The following DIP2C variants were observed in gnomAD, a reference collection of about 807,000 sequenced individuals.
DIP2C encodes the protein disco-interacting protein 2 homolog C.
In DIP2C, 33 loss-of-function variants were observed where a neutral mutation model predicts 192.4. The ratio of observed to expected loss-of-function variants is 0.17; its 90% CI spans 0.13 to 0.23. The LOEUF (loss-of-function observed/expected upper bound fraction) is 0.23, where lower values mean the gene tolerates loss of function less well. DIP2C is among the 10% of genes least tolerant of loss of function. The pLI is 1.00. For missense variants in DIP2C, 1,537 were observed against 2,110.1 expected (o/e 0.73, Z 5.32); for synonymous variants, 979 against 864.1 (o/e 1.13, Z -2.33).
chr10:561,082 CATTT>C (rs1174897192), intron 1 of DIP2C, among the ~76,000 whole-genome samples: 1 of 152,178 alleles, frequency 6.6e-6, no homozygotes, highest in Non-Finnish European at 1.5e-5. Flanking sequence ...GTACATCTTA[CATTT>C]ATTTGATTGA....
At chr10:574,823 C>T (rs1184656834) in intron 1 of DIP2C, among the ~76,000 whole-genome samples, 1 of 152,230 alleles carries the variant, frequency 6.6e-6, no homozygotes, top group African/African-American at 2.4e-5. Context: ...AGCATCGCAA[C>T]GCGGTTTCCT....
chr10:640,089 G>A (rs1177487577), intron 1 of DIP2C, among the ~76,000 whole-genome samples: 2 of 150,780 alleles, frequency 1.3e-5, no homozygotes. Flanking sequence ...ATCTCCACGC[G>A]GCTAAATCTC....
chr10:577,823 G>GTTT lies in DIP2C; in HGVS notation c.86-91296_86-91294dup, dbSNP rs35201000. Among the ~76,000 whole-genome samples, 111 of 143,922 alleles carry GTTT rather than the reference G, an allele frequency of 7.7e-4. 1 individual carries two copies. Among genetic ancestry groups the GTTT allele is most frequent in the Middle Eastern group, 3.7e-3 (1 of 270 alleles). 94.4% of individuals were successfully genotyped at this position (143,922 alleles called of 152,430 possible). ...TGTTTTGTTTCTTTTGTTTTTTTGT[G>GTTT]TTTTTTTTTTTTTAACCACAAAAGA... is the stretch of plus-strand genomic sequence containing the variant. On this transcript the variant is annotated intron_variant, in intron 1 of 36. Transcript: ENST00000280886.
chr10:471,034 C>T lies in DIP2C; in HGVS notation c.268+1405G>A, dbSNP rs560793814. Among the ~76,000 whole-genome samples, 24 of 152,228 alleles carry T rather than the reference C, an allele frequency of 1.6e-4. 1 individual carries two copies. Among genetic ancestry groups the T allele is most frequent in the East Asian group, 1.2e-3 (6 of 5,176 alleles). ...CACTCCTGAACTCGACAGGGGCCTC[C>T]GAGACACCCACATGAGTAAGAGAAG... On this transcript the variant is annotated intron_variant, in intron 3 of 36. Transcript: ENST00000280886.
At chr10:452,079 T>A (rs1722536078) in intron 3 of DIP2C, among the ~76,000 whole-genome samples, 1 of 151,952 alleles carries the variant, frequency 6.6e-6, no homozygotes, top group South Asian at 2.1e-4. Flanking sequence ...ACCCACAGGA[T>A]CGGGTAACAC....
At chr10:549,308 CAATT>C (rs1430132723) in intron 1 of DIP2C, among the ~76,000 whole-genome samples, 2 of 152,144 alleles carry the variant, frequency 1.3e-5, no homozygotes, top group Admixed American at 6.5e-5. Flanking sequence ...AGCTATGTCT[CAATT>C]AACACACAGC....
At chr10:674,826 A>AGAGAGAGAGAGAGAGAGACC (rs1201758510) in intron 1 of DIP2C, among the ~76,000 whole-genome samples, 20 of 144,658 alleles carry the variant, frequency 1.4e-4, no homozygotes, top group Admixed American at 2.1e-4. Flanking sequence ...AGAGAGAGAG[A>AGAGAGAGAGAGAGAGAGACC]GAGACCAACA....
intron 1 of DIP2C, among the ~76,000 whole-genome samples, chr10:522,236 C>T (rs1241971298): frequency 6.6e-6 from 1 of 152,234 alleles, no homozygotes; most frequent in Non-Finnish European, 1.5e-5. Flanking sequence ...TAAGATCCTT[C>T]CATGTCTTTT....
At chr10:650,398 A>G (rs1401360667) in intron 1 of DIP2C, 1 of 716,276 alleles carries the variant, frequency 1.4e-6, no homozygotes, top group Non-Finnish European at 2.6e-6. Flanking sequence ...CACACGCCCC[A>G]GACCAACACG....
At chr10:400,151 C>T (rs1239618627) in intron 9 of DIP2C, among the ~76,000 whole-genome samples, 2 of 150,604 alleles carry the variant, frequency 1.3e-5, no homozygotes, top group African/African-American at 4.9e-5. Context: ...CTCCAGTGAT[C>T]CTCCTGCCTT....
rs1273665178 is a variant in DIP2C, at chr10:363,769, G to A, written c.2478-458C>T. Among the ~76,000 whole-genome samples the A allele has an allele frequency of 6.6e-6, 1 of 152,200 alleles. No individual in the cohort carries two copies. Among genetic ancestry groups the A allele is most frequent in the East Asian group, 1.9e-4 (1 of 5,204 alleles). On this transcript the variant is annotated intron_variant, in intron 20 of 36. Coordinates refer to ENST00000280886, the MANE Select transcript of DIP2C (RefSeq NM_014974.3). The surrounding 1 kb of genome is among the most constrained non-coding windows in gnomAD (Gnocchi z 5.4). ...TGTCAGCACAGCACAGTCACCTCCA[G>A]TAAAAGAGATTGTAGCTGTAAAGAT... is the stretch of plus-strand genomic sequence containing the variant.
chr10:352,668 G>A (rs567514334), intron 24 of DIP2C, among the ~76,000 whole-genome samples: 1 of 152,312 alleles, frequency 6.6e-6, no homozygotes, highest in East Asian at 1.9e-4. Flanking sequence ...GACGAGGTGA[G>A]TGAACACTGG....
At chr10:464,747 A>G (rs971847185) in intron 3 of DIP2C, among the ~76,000 whole-genome samples, 29 of 152,254 alleles carry the variant, frequency 1.9e-4, no homozygotes, top group Non-Finnish European at 3.8e-4. Context: ...CATCAATGAT[A>G]GACTGGATAA....
chr10:644,786 C>T (rs1347206021), intron 1 of DIP2C, among the ~76,000 whole-genome samples: 1 of 152,272 alleles, frequency 6.6e-6, no homozygotes, highest in African/African-American at 2.4e-5. Context: ...CAACCCTGCC[C>T]CTACTTCTCA....
chr10:529,026 G>C (rs894296351), intron 1 of DIP2C, among the ~76,000 whole-genome samples: 1 of 152,234 alleles, frequency 6.6e-6, no homozygotes, highest in Non-Finnish European at 1.5e-5. Context: ...ACCCCTCCCA[G>C]TGACCTGTGA....
intron 1 of DIP2C, among the ~76,000 whole-genome samples, chr10:504,674 C>A (rs1268500629): frequency 1.3e-5 from 2 of 152,234 alleles, no homozygotes; most frequent in African/African-American, 4.8e-5. Context: ...TTCCCGTGTT[C>A]CCATGTTCTG....
chr10:278,426 G>A (rs1486254516), intron 36 of DIP2C, among the ~76,000 whole-genome samples: 1 of 139,646 alleles, frequency 7.2e-6, no homozygotes, highest in Non-Finnish European at 1.6e-5. Flanking sequence ...GCTTCTCCTG[G>A]CGTGCCTGTG....
At chr10:603,298 CAAAAAAAAAAAAAAAAAAAAAAA>C (rs71376842) in intron 1 of DIP2C, among the ~76,000 whole-genome samples, 2 of 45,878 alleles carry the variant, frequency 4.4e-5, no homozygotes, top group Non-Finnish European at 6.9e-5. Context: ...GACTCCATCT[CAAAAAAAAAAAAAAAAAAAAAAA>C]AAAAAAAAAA....
chr10:314,303 T>C (rs1053746589), intron 31 of DIP2C, among the ~76,000 whole-genome samples: 1 of 152,210 alleles, frequency 6.6e-6, no homozygotes, highest in African/African-American at 2.4e-5. Context: ...TTCCCACTGA[T>C]CTTGGGAAAA....
Sources: allele counts gnomAD v4.1 joint callset (sites outside exome capture counted in the v4.1 genomes callset), GRCh38; gene constraint gnomAD v4.1.1; non-coding constraint Gnocchi (gnomAD v3.1); transcripts MANE v1.5; gene names NCBI Gene and HGNC (gene_info 2026-07-23, HGNC 2026-07-21).